ARHGEF18: variants seen among roughly 807,000 people sequenced by gnomAD.
ARHGEF18 encodes Rho/Rac guanine nucleotide exchange factor 18.
Under a neutral mutation model 155.7 loss-of-function variants are expected in ARHGEF18, and 93 were observed. The observed-to-expected ratio is 0.60, with a 90% CI of 0.50 to 0.71. ARHGEF18 has a LOEUF of 0.71. ARHGEF18 is among the 30% of genes least tolerant of loss of function. The pLI is 0.00. For synonymous variants in ARHGEF18, 742 were observed against 753.1 expected (o/e 0.99, Z 0.24); for missense variants, 1,593 against 1,816.1 (o/e 0.88, Z 2.23).
Position 7,453,441 on chromosome 19 carries a change from G to A in ARHGEF18, c.1856-26G>A, listed in dbSNP as rs773420684. On this transcript the variant is annotated intron_variant, in intron 16 of 28. Transcript: ENST00000668164. ...CTGTTGTGTTAAAGTGGAAAAGAAA[G>A]ACGCTAACTCTGCTATGTGTGGCAG... 3.2e-6 allele frequency: 5 copies of A among 1,562,180 alleles called. No homozygotes were observed. In the African/African-American group the frequency reaches 6.9e-5, roughly 21 times the overall value.
At chr19:7,460,038 C>T in intron 20 of ARHGEF18, 44 bp downstream of exon 20, 1 of 1,533,802 alleles carries the variant, frequency 6.5e-7, no homozygotes. Flanking sequence ...GTGTGGTGAG[C>T]CCTGGGCCCT....
chr19:7,462,823 C>A lies in ARHGEF18; in HGVS notation c.2635+489C>A, dbSNP rs112925048. Among the ~76,000 whole-genome samples, 26 of 140,442 alleles carry A rather than the reference C, an allele frequency of 1.9e-4. No homozygotes were observed. Among genetic ancestry groups the A allele is most frequent in the African/African-American group, 6.5e-4 (24 of 36,968 alleles). The allele number at this position is 140,442 out of a possible 152,430, so 92.1% of individuals were successfully genotyped here. A position where few individuals can be genotyped will look rare whatever the true frequency, so the allele number is the denominator to read the frequency against. ...GCAGTCAGCGCCCAGTCTGCTCTTTCTTTTTTTCTTTTCTTTTTTTTTTTT... is the reference window on the plus strand; with the variant it reads ...GCAGTCAGCGCCCAGTCTGCTCTTTATTTTTTTCTTTTCTTTTTTTTTTTT... On this transcript the variant is annotated intron_variant, in intron 21 of 28. Transcript: ENST00000668164. This position sits in a 1 kb window ranked among gnomAD's most constrained non-coding sequence, Gnocchi z 4.4.
At chr19:7,457,632 G>A (rs1002141061) in intron 18 of ARHGEF18, among the ~76,000 whole-genome samples, 8 of 151,912 alleles carry the variant, frequency 5.3e-5, no homozygotes, top group Non-Finnish European at 1.2e-4. Context: ...CAAAGTGCTG[G>A]GATTACAGGA....
At chr19:7,456,634 C>G (rs1422218817) in intron 18 of ARHGEF18, among the ~76,000 whole-genome samples, 3 of 152,250 alleles carry the variant, frequency 2.0e-5, no homozygotes, top group African/African-American at 7.2e-5. Context: ...GGATAATCAC[C>G]TGAACCCAGG....
chr19:7,468,956 C>T lies in ARHGEF18; in HGVS notation c.3612C>T (p.Pro1204=), dbSNP rs755659694. The part of the protein sequence containing the change: ...RPEVARRDSA[P]TENRLAKSDV... ...AGGTGGCTCGCCGGGACAGCGCCCC[C>T]ACCGAGAACCGGCTGGCCAAGAGCG... Residue 1204 remains proline (P), a synonymous_variant, in exon 27 of 29, where the codon CCC becomes CCT. Transcript: ENST00000668164. 12 of 1,583,990 alleles carry T rather than the reference C, an allele frequency of 7.6e-6. No homozygotes were observed. Among genetic ancestry groups the T allele is most frequent in the Non-Finnish European group, 9.4e-6 (11 of 1,166,532 alleles).
chr19:7,415,168 C>T (rs1289791808), intron 10 of ARHGEF18, among the ~76,000 whole-genome samples: 1 of 152,132 alleles, frequency 6.6e-6, no homozygotes, highest in Non-Finnish European at 1.5e-5. Context: ...ATCCCTTATC[C>T]CATTGAATCT....
chr19:7,356,700 C>T (rs1969321433), intron 1 of ARHGEF18, among the ~76,000 whole-genome samples: 1 of 152,156 alleles, frequency 6.6e-6, no homozygotes, highest in African/African-American at 2.4e-5. Context: ...CACTCATTGC[C>T]TCATGGGTTT....
chr19:7,433,717 T>C (rs1209402876), intron 10 of ARHGEF18, among the ~76,000 whole-genome samples: 1 of 151,690 alleles, frequency 6.6e-6, no homozygotes, highest in Non-Finnish European at 1.5e-5. Context: ...ACAGCGGCAC[T>C]GGAAAAAGTC....
At chr19:7,405,182 C>T (rs2047571779) in intron 10 of ARHGEF18, among the ~76,000 whole-genome samples, 1 of 152,200 alleles carries the variant, frequency 6.6e-6, no homozygotes, top group Admixed American at 6.5e-5. Context: ...TGGTCTCAAA[C>T]TCCTGACCTC....
chr19:7,455,319 A>G (rs145169873), intron 17 of ARHGEF18, among the ~76,000 whole-genome samples: 1 of 152,338 alleles, frequency 6.6e-6, no homozygotes, highest in African/African-American at 2.4e-5. Flanking sequence ...AAAACTAGTT[A>G]GAAGTCCAGC....
intron 1 of ARHGEF18, among the ~76,000 whole-genome samples, chr19:7,349,886 G>A (rs78529044): frequency 0.039 from 5,995 of 152,116 alleles, 376 homozygotes; most frequent in African/African-American, 0.14. Context: ...TGCAGATTCC[G>A]GGCCCCCCAA....
intron 1 of ARHGEF18, among the ~76,000 whole-genome samples, chr19:7,352,624 C>G (rs959299741): frequency 6.7e-5 from 10 of 148,934 alleles, no homozygotes; most frequent in Non-Finnish European, 1.5e-4. Flanking sequence ...AGCTCCACCT[C>G]CCAGGTTCAC....
intron 10 of ARHGEF18, among the ~76,000 whole-genome samples, chr19:7,384,763 C>T (rs909317066): frequency 4.0e-5 from 6 of 151,580 alleles, no homozygotes; most frequent in African/African-American, 1.5e-4. Context: ...GTGATCTCAG[C>T]ATACTGTAGC....
chr19:7,463,750 A>C lies in ARHGEF18; in HGVS notation c.2636-68A>C. 8 of 1,492,166 alleles carry C rather than the reference A, an allele frequency of 5.4e-6. No homozygotes were observed. The South Asian group carries it at 1.1e-4, about 20-fold the overall frequency. 92.4% of individuals were successfully genotyped at this position (1,492,166 alleles called of 1,614,324 possible). ...CCGTCCACCCGGGTCTCGCTGCCCC[A>C]GCGCTCCGTATTCCCCCAGCACACT... is the stretch of plus-strand genomic sequence containing the variant. On this transcript the variant is annotated intron_variant, in intron 21 of 28. Coordinates refer to ENST00000668164, the MANE Select transcript of ARHGEF18 (RefSeq NM_001367823.1). This position sits in a 1 kb window ranked among gnomAD's most constrained non-coding sequence, Gnocchi z 5.2.
intron 10 of ARHGEF18, among the ~76,000 whole-genome samples, chr19:7,405,042 C>T (rs944903050): frequency 1.3e-5 from 2 of 152,066 alleles, no homozygotes; most frequent in Non-Finnish European, 2.9e-5. Context: ...ACTGCAACCT[C>T]TGTGTACTGA....
intron 8 of ARHGEF18, among the ~76,000 whole-genome samples, chr19:7,381,950 G>A (rs1346689897): frequency 2.6e-5 from 4 of 152,158 alleles, no homozygotes; most frequent in South Asian, 2.1e-4. Flanking sequence ...GAGGAATGGC[G>A]TCTCCGCCCA....
rs12972299 is a variant in ARHGEF18, at chr19:7,470,363, C to T, written c.*65C>T. ...GCCCACCCTTCCTGCTCTCTGGGGA[C>T]CCCCATGGGGTCACCATGCCCACCC... is the stretch of plus-strand genomic sequence containing the variant. On this transcript the variant is annotated 3_prime_UTR_variant, in exon 29 of 29. Transcript: ENST00000668164. The surrounding 1 kb of genome is among the most constrained non-coding windows in gnomAD (Gnocchi z 5.9). 2.9e-6 allele frequency: 4 copies of T among 1,363,530 alleles called. No individual in the cohort carries two copies. Among genetic ancestry groups the T allele is most frequent in the African/African-American group, 3.0e-5 (2 of 67,176 alleles). 84.5% of individuals were successfully genotyped at this position (1,363,530 alleles called of 1,614,324 possible).
chr19:7,362,681 C>A, intron 1 of ARHGEF18, 100 bp from the exon 2 acceptor site: 1 of 1,118,786 alleles, frequency 8.9e-7, no homozygotes, highest in Non-Finnish European at 1.1e-6. Context: ...GTTGAGAAAA[C>A]TGAGGTCCAG....
intron 1 of ARHGEF18, chr19:7,355,819 T>C (rs1197369035): frequency 1.8e-6 from 1 of 561,582 alleles, no homozygotes; most frequent in Non-Finnish European, 2.3e-6. Flanking sequence ...TCTGCTGGCA[T>C]CGGCCCTGGA....
Sources: allele counts gnomAD v4.1 joint callset (sites outside exome capture counted in the v4.1 genomes callset), GRCh38; gene constraint gnomAD v4.1.1; non-coding constraint Gnocchi (gnomAD v3.1); transcripts MANE v1.5; gene names NCBI Gene and HGNC (gene_info 2026-07-23, HGNC 2026-07-21).